The following GPC5 variants were observed in gnomAD, a reference collection of about 807,000 sequenced individuals.
GPC5 encodes the protein glypican-5.
Under a neutral mutation model 53.9 loss-of-function variants are expected in GPC5, and 47 were observed. That is an observed-to-expected ratio of 0.87 (90% confidence interval 0.69 to 1.11). The LOEUF is 1.11. GPC5 is among the 50% of genes most tolerant of loss of function. The probability of loss-of-function intolerance (pLI) is 0.00; values close to 1 mark genes in which losing one functional copy is unlikely to be tolerated. For missense variants in GPC5, 748 were observed against 713.1 expected, an observed-to-expected ratio of 1.05 and a Z score of -0.56; for synonymous variants, 286 against 263.3, an observed-to-expected ratio of 1.09 and a Z score of -0.84.
chr13:92,100,063 ACTC>A (rs775073799), intron 6 of GPC5, among the ~76,000 whole-genome samples: 35 of 152,084 alleles, frequency 2.3e-4, no homozygotes, highest in Non-Finnish European at 3.5e-4. Flanking sequence ...CTGAGCGTAA[ACTC>A]CTGCCAACAG....
intron 7 of GPC5, among the ~76,000 whole-genome samples, chr13:92,839,742 T>C (rs1050829669): frequency 6.6e-6 from 1 of 152,082 alleles, no homozygotes. Flanking sequence ...AATAGACTGC[T>C]AGCTAGACTA....
chr13:92,446,729 C>G (rs1032005554), intron 7 of GPC5: 1 of 152,126 alleles, frequency 6.6e-6, no homozygotes, highest in South Asian at 2.1e-4. Flanking sequence ...AGTGGTGGTA[C>G]TAATATACAT....
At chr13:92,087,479 A>C (rs1366028295) in intron 6 of GPC5, among the ~76,000 whole-genome samples, 1 of 152,190 alleles carries the variant, frequency 6.6e-6, no homozygotes, top group Non-Finnish European at 1.5e-5. Flanking sequence ...AATTTCAAAA[A>C]AATACCAAAT....
At chr13:91,495,170 T>C (rs1290410128) in intron 2 of GPC5, among the ~76,000 whole-genome samples, 1 of 152,206 alleles carries the variant, frequency 6.6e-6, no homozygotes. Flanking sequence ...CTACCTTATA[T>C]GACTACATAT....
At chr13:91,891,702 AT>A (rs2039388373) in intron 5 of GPC5, among the ~76,000 whole-genome samples, 1 of 152,176 alleles carries the variant, frequency 6.6e-6, no homozygotes, top group Non-Finnish European at 1.5e-5. Flanking sequence ...AACGTTTCAA[AT>A]AAGTCATAAA....
intron 5 of GPC5, among the ~76,000 whole-genome samples, chr13:91,761,124 T>A (rs2037401885): frequency 6.6e-6 from 1 of 152,150 alleles, no homozygotes; most frequent in South Asian, 2.1e-4. Flanking sequence ...GTTCTTTTCT[T>A]TCTGGGCATT....
chr13:91,512,244 G>A (rs530520611), intron 2 of GPC5, among the ~76,000 whole-genome samples: 20 of 152,188 alleles, frequency 1.3e-4, no homozygotes, highest in Non-Finnish European at 1.3e-4. Flanking sequence ...GCTTTACGTA[G>A]TGCAGCTGGT....
chr13:92,704,681 G>T (rs1447873073), intron 7 of GPC5, among the ~76,000 whole-genome samples: 1 of 151,756 alleles, frequency 6.6e-6, no homozygotes, highest in Non-Finnish European at 1.5e-5. Flanking sequence ...ACTTATGGAA[G>T]AATTTACCTA....
chr13:92,203,619 C>A, intron 7 of GPC5, among the ~76,000 whole-genome samples: 1 of 142,236 alleles, frequency 7.0e-6, no homozygotes, highest in Non-Finnish European at 1.5e-5. Context: ...CACATGTACC[C>A]TAAAACTTAG....
At chr13:91,795,740 CTG>C (rs1019658996) in intron 5 of GPC5, among the ~76,000 whole-genome samples, 5 of 152,096 alleles carry the variant, frequency 3.3e-5, no homozygotes, top group African/African-American at 1.2e-4. Context: ...CCCCTGCATC[CTG>C]TGTGTTGAAC....
intron 7 of GPC5, among the ~76,000 whole-genome samples, chr13:92,165,010 A>G (rs2042017099): frequency 1.3e-5 from 2 of 152,176 alleles, no homozygotes; most frequent in Non-Finnish European, 2.9e-5. Flanking sequence ...CTGAGACTGC[A>G]CAAAGCGATA....
In GPC5 at chr13:92,352,228, A is replaced by AC. The variant is rs576271364; in HGVS notation, c.1561+207239_1561+207240insC. On this transcript the variant is annotated intron_variant, in intron 7 of 7. Coordinates refer to ENST00000377067, the MANE Select transcript of GPC5 (RefSeq NM_004466.6). ...TGAACCTGAAAAACATATGAAAAAA[A>AC]TTGAATAACTCATATATTGACACAA... Among the ~76,000 whole-genome samples the AC allele has an allele frequency of 5.3e-5, 8 of 152,306 alleles. No individual in the cohort carries two copies. The East Asian group carries it at 1.5e-3, about 29-fold the overall frequency.
At chr13:91,511,294 A>G (rs1885217389) in intron 2 of GPC5, among the ~76,000 whole-genome samples, 1 of 152,076 alleles carries the variant, frequency 6.6e-6, no homozygotes, top group African/African-American at 2.4e-5. Flanking sequence ...TTTTTCTCTA[A>G]CTGCTTTTAG....
intron 2 of GPC5, among the ~76,000 whole-genome samples, chr13:91,692,440 T>C (rs1035154037): frequency 6.6e-6 from 1 of 152,182 alleles, no homozygotes; most frequent in Non-Finnish European, 1.5e-5. Context: ...CTACTAGCTT[T>C]CATTCTGGAA....
intron 7 of GPC5, among the ~76,000 whole-genome samples, chr13:92,531,790 G>T (rs1267266738): frequency 6.6e-6 from 1 of 152,174 alleles, no homozygotes; most frequent in African/African-American, 2.4e-5. Context: ...GGTTTCCTGA[G>T]GGAAGGATAT....
chr13:92,770,475 C>A (rs935413866), intron 7 of GPC5, among the ~76,000 whole-genome samples: 1 of 150,764 alleles, frequency 6.6e-6, no homozygotes, highest in Non-Finnish European at 1.5e-5. Flanking sequence ...TCATTCACAT[C>A]CATTTAAAGT....
chr13:91,861,783 G>C (rs896250837), intron 5 of GPC5, among the ~76,000 whole-genome samples: 5 of 121,806 alleles, frequency 4.1e-5, no homozygotes, highest in Non-Finnish European at 9.4e-5. Context: ...TTGTTTAATT[G>C]TGTTTTAAGT....
At chr13:92,521,650 G>C (rs9523705) in intron 7 of GPC5, among the ~76,000 whole-genome samples, 87,921 of 151,964 alleles carry the variant, frequency 0.58, 26,119 homozygotes, top group East Asian at 0.75. Flanking sequence ...AGACTTAAAT[G>C]TTAGACCTAA....
At chr13:92,068,628 CAGATT>C (rs1244085411) in intron 6 of GPC5, among the ~76,000 whole-genome samples, 1 of 151,328 alleles carries the variant, frequency 6.6e-6, no homozygotes, top group Non-Finnish European at 1.5e-5. Flanking sequence ...TATCTTTCAT[CAGATT>C]AAATATTCCA....
Sources: allele counts gnomAD v4.1 joint callset (sites outside exome capture counted in the v4.1 genomes callset), GRCh38; gene constraint gnomAD v4.1.1; transcripts MANE v1.5; gene names NCBI Gene and HGNC (gene_info 2026-07-23, HGNC 2026-07-21).